Variants in SAMD12 observed in about 807,000 individuals in gnomAD.
SAMD12 encodes sterile alpha motif domain-containing protein 12.
Under a neutral mutation model 15.0 loss-of-function variants are expected in SAMD12, and 9 were observed. The observed-to-expected ratio is 0.60, with a 90% CI of 0.36 to 1.05. The LOEUF (loss-of-function observed/expected upper bound fraction) is 1.05, where lower values mean the gene tolerates loss of function less well. Among genes scored for constraint, SAMD12 ranks in the 50% least tolerant of loss-of-function variants. The pLI is 0.01. For missense variants in SAMD12, 230 were observed against 234.2 expected (o/e 0.98, Z 0.12); for synonymous variants, 86 against 90.1 (o/e 0.96, Z 0.25).
At chr8:118,546,809 A>G (rs1175100240) in intron 2 of SAMD12, among the ~76,000 whole-genome samples, 2 of 152,280 alleles carry the variant, frequency 1.3e-5, no homozygotes, top group South Asian at 2.1e-4. Flanking sequence ...ACACAGACTC[A>G]TTGGGAACTG....
intron 2 of SAMD12, among the ~76,000 whole-genome samples, chr8:118,449,624 C>A (rs1282818635): frequency 6.6e-6 from 1 of 150,944 alleles, no homozygotes; most frequent in Non-Finnish European, 1.5e-5. Flanking sequence ...ACAATGAAAC[C>A]CCGTCTCTAC....
chr8:118,324,788 A>G (rs1336297202), intron 4 of SAMD12, among the ~76,000 whole-genome samples: 2 of 152,192 alleles, frequency 1.3e-5, no homozygotes, highest in African/African-American at 4.8e-5. Flanking sequence ...TATATGCCTG[A>G]TGTTAACAGA....
At chr8:118,171,868 C>G in the SAMD12 span, among the ~76,000 whole-genome samples, 1 of 151,804 alleles carries the variant, frequency 6.6e-6, no homozygotes, top group Non-Finnish European at 1.5e-5. Context: ...GACTTGGAAC[C>G]AACCCAAATG....
intron 4 of SAMD12, among the ~76,000 whole-genome samples, chr8:118,275,053 C>A (rs1262973672): frequency 6.6e-6 from 1 of 152,044 alleles, no homozygotes; most frequent in Admixed American, 6.6e-5. Context: ...TTTGAAGGGG[C>A]TTTTAAAAAT....
chr8:118,264,964 C>T (rs892033345), intron 4 of SAMD12, among the ~76,000 whole-genome samples: 3 of 152,134 alleles, frequency 2.0e-5, no homozygotes, highest in Admixed American at 6.6e-5. Context: ...GGTAATGTTG[C>T]TCAGGTACTT....
rs542760624 is a variant in SAMD12 at position 118,443,193 on chromosome 8, G to A, written c.193-3232C>T. ...TTAAGACTGTATGAGGCTGGGCACAGTAGCTCATGCCTGTAATCTCAGCAC... is the reference window on the plus strand; with the variant it reads ...TTAAGACTGTATGAGGCTGGGCACAATAGCTCATGCCTGTAATCTCAGCAC... On this transcript the variant is annotated intron_variant, in intron 2 of 3. Transcript: ENST00000314727. Among the ~76,000 whole-genome samples the A allele has an allele frequency of 2.6e-5, 4 of 152,308 alleles. 1 individual carries two copies. The highest frequency in any genetic ancestry group is 7.2e-5 in the African/African-American group (3 of 41,574).
the SAMD12 span, among the ~76,000 whole-genome samples, chr8:118,138,717 T>C: frequency 9.9e-5 from 15 of 152,212 alleles, no homozygotes. Context: ...TTACAAAATA[T>C]AGGCGAGATG....
At chr8:118,175,529 A>G in the SAMD12 span, among the ~76,000 whole-genome samples, 1 of 152,244 alleles carries the variant, frequency 6.6e-6, no homozygotes, top group Non-Finnish European at 1.5e-5. Flanking sequence ...TGCACAGCAA[A>G]AGGAACCATC....
chr8:118,303,060 C>T (rs577333349), intron 4 of SAMD12, among the ~76,000 whole-genome samples: 30 of 152,312 alleles, frequency 2.0e-4, no homozygotes, highest in Admixed American at 1.8e-3. Flanking sequence ...ACTCATCCAT[C>T]ATCAAAGACC....
intron 1 of SAMD12, among the ~76,000 whole-genome samples, chr8:118,596,785 T>G (rs1451576713): frequency 6.6e-6 from 1 of 152,144 alleles, no homozygotes; most frequent in Non-Finnish European, 1.5e-5. Context: ...AATTAGTGAG[T>G]AAATCAGATG....
At chr8:118,154,443 G>A in the SAMD12 span, among the ~76,000 whole-genome samples, 1 of 152,150 alleles carries the variant, frequency 6.6e-6, no homozygotes, top group African/African-American at 2.4e-5. Context: ...TTTCCTTTGT[G>A]TTCCCATGAC....
intron 3 of SAMD12, among the ~76,000 whole-genome samples, chr8:118,437,178 T>G (rs1323440154): frequency 5.3e-5 from 8 of 152,180 alleles, no homozygotes; most frequent in Non-Finnish European, 2.9e-5. Context: ...GCACACTGGC[T>G]GAAGTCCCGA....
At chr8:118,342,018 G>C (rs533409928) in intron 4 of SAMD12, among the ~76,000 whole-genome samples, 6 of 152,146 alleles carry the variant, frequency 3.9e-5, no homozygotes, top group Admixed American at 3.9e-4. Context: ...GGCCTGGTGT[G>C]GTGGCTTATG....
intron 4 of SAMD12, among the ~76,000 whole-genome samples, chr8:118,328,517 A>G (rs542631601): frequency 3.7e-4 from 56 of 152,252 alleles, no homozygotes; most frequent in Non-Finnish European, 6.9e-4. Flanking sequence ...TTTAATGCCC[A>G]TGTTCTATTC....
chr8:118,600,900 T>C (rs190487917), intron 1 of SAMD12, among the ~76,000 whole-genome samples: 246 of 152,236 alleles, frequency 1.6e-3, no homozygotes, highest in African/African-American at 5.7e-3. Flanking sequence ...TAAAAGAGGA[T>C]AGAGAATTTA....
At chr8:118,443,397 G>A (rs1048454460) in intron 2 of SAMD12, among the ~76,000 whole-genome samples, 2 of 152,170 alleles carry the variant, frequency 1.3e-5, no homozygotes, top group African/African-American at 4.8e-5. Flanking sequence ...GGTGGAGATT[G>A]CCTTGAGCAG....
the SAMD12 span, among the ~76,000 whole-genome samples, chr8:118,168,124 T>G: frequency 6.6e-6 from 1 of 152,234 alleles, no homozygotes; most frequent in Non-Finnish European, 1.5e-5. Context: ...TCATTTTCTC[T>G]TGCTGCTGCC....
At chr8:118,486,405 G>A (rs1450465949) in intron 2 of SAMD12, among the ~76,000 whole-genome samples, 1 of 140,214 alleles carries the variant, frequency 7.1e-6, no homozygotes, top group Non-Finnish European at 1.5e-5. Context: ...GACAGAGAGA[G>A]AATCCGTCTA....
the SAMD12 span, among the ~76,000 whole-genome samples, chr8:118,172,819 C>G: frequency 6.6e-6 from 1 of 152,124 alleles, no homozygotes; most frequent in African/African-American, 2.4e-5. Context: ...GTTTTGTTAA[C>G]TATAGGCACT....
Sources: allele counts gnomAD v4.1 joint callset (sites outside exome capture counted in the v4.1 genomes callset), GRCh38; gene constraint gnomAD v4.1.1; transcripts MANE v1.5; gene names NCBI Gene and HGNC (gene_info 2026-07-23, HGNC 2026-07-21).